EPHA5: variants seen among roughly 807,000 people sequenced by gnomAD.
EPHA5 encodes the protein EPH receptor A5.
EPHA5 carries 60 observed loss-of-function variants against 105.0 expected under a neutral mutation model. The observed-to-expected ratio is 0.57, with a 90% CI of 0.46 to 0.71. The LOEUF (loss-of-function observed/expected upper bound fraction) is 0.71. Ranked by LOEUF, EPHA5 falls within the 30% of genes least tolerant of loss-of-function variation. The pLI is 0.00. For synonymous variants in EPHA5, 513 were observed against 449.1 expected, an observed-to-expected ratio of 1.14 and a Z score of -1.80; for missense variants, 1,218 against 1,274.7, an observed-to-expected ratio of 0.96 and a Z score of 0.68.
chr4:65,339,663 A>G (rs917954845), intron 14 of EPHA5, among the ~76,000 whole-genome samples: 1 of 152,138 alleles, frequency 6.6e-6, no homozygotes, highest in Non-Finnish European at 1.5e-5. Flanking sequence ...AACAGGTAAG[A>G]TAATTGCTTA....
intron 5 of EPHA5, among the ~76,000 whole-genome samples, chr4:65,424,218 A>G (rs1724205671): frequency 6.6e-6 from 1 of 152,148 alleles, no homozygotes; most frequent in African/African-American, 2.4e-5. Context: ...AATGACACAA[A>G]CAATGATATC....
chr4:65,600,463 A>G (rs1378169902), intron 3 of EPHA5, among the ~76,000 whole-genome samples: 6 of 152,282 alleles, frequency 3.9e-5, no homozygotes, highest in African/African-American at 1.4e-4. Context: ...AATTTCAAGT[A>G]AAGTGCAATG....
chr4:65,397,425 A>G (rs1173957299), intron 8 of EPHA5, among the ~76,000 whole-genome samples: 1 of 151,936 alleles, frequency 6.6e-6, no homozygotes, highest in Non-Finnish European at 1.5e-5. Flanking sequence ...TCTGTTCCCC[A>G]CCTAAAACAT....
At chr4:65,477,837 T>C (rs1298057182) in intron 5 of EPHA5, among the ~76,000 whole-genome samples, 1 of 152,154 alleles carries the variant, frequency 6.6e-6, no homozygotes, top group Admixed American at 6.5e-5. Flanking sequence ...CAATTAGTGC[T>C]GAAACATGCT....
chr4:65,477,867 T>A (rs946177409), intron 5 of EPHA5, among the ~76,000 whole-genome samples: 1 of 152,114 alleles, frequency 6.6e-6, no homozygotes, highest in African/African-American at 2.4e-5. Context: ...GTCTCTGACA[T>A]CACTATAGAT....
chr4:65,665,113 T>A (rs535338618), intron 1 of EPHA5, among the ~76,000 whole-genome samples: 21 of 152,060 alleles, frequency 1.4e-4, no homozygotes, highest in African/African-American at 5.1e-4. Flanking sequence ...ACACGATATT[T>A]TTCTTTTGAA....
chr4:65,561,434 T>G (rs530175176), intron 3 of EPHA5, among the ~76,000 whole-genome samples: 2 of 152,162 alleles, frequency 1.3e-5, no homozygotes, highest in East Asian at 3.9e-4. Context: ...CCATCATTCA[T>G]AAGCACGGGC....
intron 5 of EPHA5, among the ~76,000 whole-genome samples, chr4:65,478,224 T>C (rs899645815): frequency 1.3e-5 from 2 of 152,130 alleles, no homozygotes; most frequent in Non-Finnish European, 2.9e-5. Flanking sequence ...AGAACACTAA[T>C]CTGGTCACAG....
At chr4:65,487,862 G>A (rs910417536) in intron 5 of EPHA5, among the ~76,000 whole-genome samples, 1 of 152,094 alleles carries the variant, frequency 6.6e-6, no homozygotes, top group South Asian at 2.1e-4. Flanking sequence ...TCCCTGTCTT[G>A]ATCAATTGAC....
intron 8 of EPHA5, among the ~76,000 whole-genome samples, chr4:65,399,425 G>A (rs1458710688): frequency 6.6e-6 from 1 of 152,192 alleles, no homozygotes; most frequent in Non-Finnish European, 1.5e-5. Context: ...GCCTGCCAGG[G>A]CGAGTGGGCA....
At chr4:65,452,191 T>C (rs1195181444) in intron 5 of EPHA5, among the ~76,000 whole-genome samples, 1 of 152,182 alleles carries the variant, frequency 6.6e-6, no homozygotes, top group African/African-American at 2.4e-5. Flanking sequence ...GCCTGTACAT[T>C]TTATTGGTAA....
intron 5 of EPHA5, among the ~76,000 whole-genome samples, chr4:65,487,277 C>A (rs992682350): frequency 1.3e-5 from 2 of 152,162 alleles, no homozygotes; most frequent in African/African-American, 4.8e-5. Flanking sequence ...TCCAAGCTGC[C>A]CTTGTTCATT....
intron 14 of EPHA5, among the ~76,000 whole-genome samples, chr4:65,347,072 G>A (rs1465847833): frequency 6.6e-6 from 1 of 152,142 alleles, no homozygotes; most frequent in Non-Finnish European, 1.5e-5. Context: ...TACAGGCATT[G>A]TTGTTTCAAC....
At chr4:65,364,123 G>A (rs1717614535) in intron 11 of EPHA5, among the ~76,000 whole-genome samples, 2 of 151,430 alleles carry the variant, frequency 1.3e-5, no homozygotes, top group African/African-American at 4.8e-5. Flanking sequence ...CTCAACTGGA[G>A]GAAGAAACAC....
At chr4:65,416,714 T>G (rs1252842833) in intron 6 of EPHA5, among the ~76,000 whole-genome samples, 1 of 152,176 alleles carries the variant, frequency 6.6e-6, no homozygotes, top group Non-Finnish European at 1.5e-5. Context: ...ATGTCTCAGT[T>G]GTTCCTTAGC....
intron 5 of EPHA5, among the ~76,000 whole-genome samples, chr4:65,475,508 G>A (rs532202848): frequency 4.0e-4 from 61 of 152,156 alleles, no homozygotes; most frequent in Non-Finnish European, 6.8e-4. Flanking sequence ...CTAAGAAGAT[G>A]TATATGATTT....
Position 65,321,609 on chromosome 4 carries a change from T to C in EPHA5, c.*2505A>G, listed in dbSNP as rs1431813665. ...AAGAAAACTATGTGGCTATTTAACT[T>C]TCCTTTCAATTTACTTTCCAAAATG... On this transcript the variant is annotated 3_prime_UTR_variant, in exon 17 of 17. Transcript: ENST00000613740. The C allele has an allele frequency of 4.4e-6, 1 of 229,096 alleles. No individual in the cohort carries two copies. Among genetic ancestry groups the C allele is most frequent in the Non-Finnish European group, 8.7e-6 (1 of 115,434 alleles). The allele number at this position is 229,096 out of a possible 1,614,324, so 14.2% of individuals were successfully genotyped here.
chr4:65,571,373 T>G lies in EPHA5; in HGVS notation c.910+30268A>C, dbSNP rs561220386. Among the ~76,000 whole-genome samples, 31 of 149,462 alleles carry G rather than the reference T, an allele frequency of 2.1e-4. No homozygotes were observed. The South Asian group carries it at 6.3e-3, about 30-fold the overall frequency. On this transcript the variant is annotated intron_variant, in intron 3 of 16. Coordinates refer to ENST00000613740, the MANE Select transcript of EPHA5 (RefSeq NM_001281766.3). Reference sequence around the variant, plus strand: ...TACATTCCCTAAATGTCTAAATCAATAAGTGTTAAAGTAGATTTAATGGAG... The same window carrying G: ...TACATTCCCTAAATGTCTAAATCAAGAAGTGTTAAAGTAGATTTAATGGAG...
chr4:65,394,602 G>A (rs1269184630), intron 8 of EPHA5, among the ~76,000 whole-genome samples: 1 of 152,144 alleles, frequency 6.6e-6, no homozygotes, highest in Non-Finnish European at 1.5e-5. Context: ...AGATTTGAAA[G>A]AAGAAAGAAG....
Sources: allele counts gnomAD v4.1 joint callset (sites outside exome capture counted in the v4.1 genomes callset), GRCh38; gene constraint gnomAD v4.1.1; transcripts MANE v1.5; gene names NCBI Gene and HGNC (gene_info 2026-07-23, HGNC 2026-07-21).